The following LRIG1 variants were observed in gnomAD, a reference collection of about 807,000 sequenced individuals.
LRIG1 encodes leucine-rich repeats and immunoglobulin-like domains protein 1.
LRIG1 carries 48 observed loss-of-function variants against 99.2 expected under a neutral mutation model. That is an observed-to-expected ratio of 0.48 (90% CI 0.38 to 0.62). The LOEUF (loss-of-function observed/expected upper bound fraction) is 0.62, where lower values mean the gene tolerates loss of function less well. LRIG1 is among the 20% of genes least tolerant of loss of function. The pLI is 0.00. For missense variants in LRIG1, 1,646 were observed against 1,434.4 expected (o/e 1.15, Z -2.38); for synonymous variants, 772 against 596.1 (o/e 1.29, Z -4.30).
rs780605451 is a variant in LRIG1, at chr3:66,439,001, C to A, written c.365+12558G>T. Among the ~76,000 whole-genome samples the A allele has an allele frequency of 2.0e-5, 3 of 152,246 alleles. No homozygotes were observed. In the East Asian group the frequency reaches 5.8e-4, roughly 29 times the overall value. ...GAATGGGGGAAAGTGAAGACAGGCA[C>A]TGGGCTCTTACTTGGAACCAAATAG... On this transcript the variant is annotated intron_variant, in intron 3 of 18. Transcript: ENST00000273261.
chr3:66,404,363 T>G, intron 9 of LRIG1: 2 of 1,280,372 alleles, frequency 1.6e-6, no homozygotes, highest in Non-Finnish European at 2.0e-6. Flanking sequence ...CCTCTCTGTC[T>G]TGCCCTCCTC....
chr3:66,479,394 A>T (rs1215321931), intron 1 of LRIG1, among the ~76,000 whole-genome samples: 1 of 152,224 alleles, frequency 6.6e-6, no homozygotes, highest in Non-Finnish European at 1.5e-5. Flanking sequence ...CTTTCCTGCC[A>T]CATTTTCTTT....
intron 3 of LRIG1, among the ~76,000 whole-genome samples, chr3:66,436,132 C>T (rs554746237): frequency 6.6e-6 from 1 of 152,370 alleles, no homozygotes; most frequent in East Asian, 1.9e-4. Context: ...AAGCTGAGGA[C>T]AGCTAGCGTG....
chr3:66,462,540 A>G, intron 1 of LRIG1, 31 bp from the exon 2 acceptor site: 12 of 1,481,332 alleles, frequency 8.1e-6, no homozygotes, highest in Non-Finnish European at 1.1e-5. Flanking sequence ...AAAAAACGGA[A>G]TCAACAACCT....
At chr3:66,402,031 A>G (rs1441235337) in intron 9 of LRIG1, among the ~76,000 whole-genome samples, 1 of 152,030 alleles carries the variant, frequency 6.6e-6, no homozygotes, top group East Asian at 1.9e-4. Context: ...CGGCCCCCAC[A>G]TAGGCAGGGA....
At chr3:66,401,082 C>T (rs1046108141) in intron 9 of LRIG1, among the ~76,000 whole-genome samples, 15 of 152,322 alleles carry the variant, frequency 9.8e-5, no homozygotes, top group African/African-American at 3.1e-4. Context: ...TGCCTCCGGA[C>T]GGTGAAGGGG....
Position 66,395,916 on chromosome 3 carries a change from C to G in LRIG1, c.1305-1713G>C, listed in dbSNP as rs958183808. ...CAGGCAGAACAGCCTGGGCACTGTT[C>G]ACGAAAGCCTAGGAGAGAAGGCTGG... On this transcript the variant is annotated intron_variant, in intron 11 of 18. Transcript: ENST00000273261. Among the ~76,000 whole-genome samples the G allele has an allele frequency of 2.6e-5, 4 of 152,254 alleles. 1 individual carries two copies. The highest frequency in any genetic ancestry group is 9.6e-5 in the African/African-American group (4 of 41,468).
chr3:66,387,410 G>GC (rs1291417353), intron 12 of LRIG1: 3 of 152,028 alleles, frequency 2.0e-5, no homozygotes, highest in Admixed American at 2.0e-4. Flanking sequence ...AAACACACAA[G>GC]CCGTCGGTAA....
rs9877201 is a variant in LRIG1, at chr3:66,380,856, C to A, written c.2776G>T (p.Gly926Cys). The change falls in exon 18 of 19, where the codon GGT (glycine) becomes TGT (cysteine). Residue 926 changes from glycine to cysteine, a missense_variant. Coordinates refer to ENST00000273261, the MANE Select transcript of LRIG1 (RefSeq NM_015541.3). ...GTPGPHKMEH[G>C]GRVVCSDCNT... is the part of the protein sequence containing the mutation. ...CAGTCACTGCATACGACCCGGCCAC[C>A]GTGTTCTGAAGGACAGCGCCAAAGA... 2.0e-5 allele frequency: 32 copies of A among 1,613,500 alleles called. No homozygotes were observed. The African/African-American group carries it at 3.6e-4, about 18-fold the overall frequency.
rs1188687155 is a variant in LRIG1, at chr3:66,412,920, T to C, written c.742A>G (p.Ser248Gly). 6.2e-7 allele frequency: 1 copy of C among 1,614,194 alleles called. No individual in the cohort carries two copies. The highest frequency in any genetic ancestry group is 1.1e-5 in the South Asian group (1 of 91,082). The change falls in exon 6 of 19, where the codon AGC (serine) becomes GGC (glycine). Residue 248 changes from serine to glycine, a missense_variant. Physicochemically the swap from Ser to Gly is moderately conservative, Grantham distance 56. Transcript: ENST00000273261. ...EVLKLQRNNI[S>G]KLTDGAFWGL... ...CAGAAGGCCCCATCTGTCAGTTTGC[T>C]GATGTTGTTTCGCTGAAGCTTCAGC... is the stretch of plus-strand genomic sequence containing the variant.
chr3:66,449,098 G>C (rs531165524), intron 3 of LRIG1, among the ~76,000 whole-genome samples: 1 of 152,268 alleles, frequency 6.6e-6, no homozygotes, highest in East Asian at 1.9e-4. Context: ...GGTTCTTTGG[G>C]CTGTAAAATG....
chr3:66,488,622 G>C lies in LRIG1; in HGVS notation c.218+11568C>G, dbSNP rs369412077. Among the ~76,000 whole-genome samples, 3 of 152,294 alleles carry C rather than the reference G, an allele frequency of 2.0e-5. No homozygotes were observed. In the East Asian group the frequency reaches 5.8e-4, roughly 29 times the overall value. ...ACTGCACGCCAACCTGGGCGACAGA[G>C]TGAGACTCTGCCTCAAAAAAGAAAA... On this transcript the variant is annotated intron_variant, in intron 1 of 18. Coordinates refer to ENST00000273261, the MANE Select transcript of LRIG1 (RefSeq NM_015541.3).
intron 1 of LRIG1, among the ~76,000 whole-genome samples, chr3:66,497,747 G>C (rs972449001): frequency 7.1e-6 from 1 of 141,442 alleles, no homozygotes; most frequent in Non-Finnish European, 1.5e-5. Flanking sequence ...AAAGCCACAG[G>C]TCCTCTGCTA....
Position 66,386,128 on chromosome 3 carries a change from C to A in LRIG1, c.1642G>T (p.Val548Phe), listed in dbSNP as rs554245093. 1 of 1,614,132 alleles carries A rather than the reference C, an allele frequency of 6.2e-7. No homozygotes were observed. The highest frequency in any genetic ancestry group is 8.5e-7 in the Non-Finnish European group (1 of 1,180,030). ...ATCACTTCCCCGTCCTGCGCGTGGA[C>A]GTGGACAAAGTTCTCCATGTCTGCA... ...TNADMENFVH[V>F]HAQDGEVMEY... Residue 548 changes from valine to phenylalanine, a missense_variant, in exon 13 of 19, where the codon GTC becomes TTC. Coordinates refer to ENST00000273261, the MANE Select transcript of LRIG1 (RefSeq NM_015541.3).
intron 16 of LRIG1, 145 bp from the exon 17 acceptor site, chr3:66,381,776 C>G (rs994413967): frequency 1.1e-6 from 1 of 872,436 alleles, no homozygotes; most frequent in Admixed American, 2.5e-5. Context: ...TGGCAAGCAG[C>G]GTGTTTTCTG....
chr3:66,477,927 A>G (rs1426730789), intron 1 of LRIG1, among the ~76,000 whole-genome samples: 2 of 152,128 alleles, frequency 1.3e-5, no homozygotes, highest in Admixed American at 6.5e-5. Flanking sequence ...GTTTCGACCA[A>G]AAAAAATTAA....
Position 66,394,041 on chromosome 3 carries a change from G to T in LRIG1, c.1467C>A (p.Cys489Ter), listed in dbSNP as rs35367093. 1 of 1,613,876 alleles carries T rather than the reference G, an allele frequency of 6.2e-7. No homozygotes were observed. The highest frequency in any genetic ancestry group is 8.5e-7 in the Non-Finnish European group (1 of 1,179,920). The change falls in exon 12 of 19, where the codon TGC becomes TGA. Residue 489 changes from cysteine (C) to a stop codon, truncating the protein, a stop_gained and splice_region_variant. Coordinates refer to ENST00000273261, the MANE Select transcript of LRIG1 (RefSeq NM_015541.3). LOFTEE classifies it high-confidence loss of function. ...IFSVPPESFV[C>*]DDFLKPQIIT... ...AAAAAGTTACAAAGACAGTCTTACCGCACACGAAACTCTCTGGTGGCACAG... is the reference window on the plus strand; with the variant it reads ...AAAAAGTTACAAAGACAGTCTTACCTCACACGAAACTCTCTGGTGGCACAG...
At chr3:66,417,077 A>T (rs1440503945) in intron 4 of LRIG1, 52 bp downstream of exon 4, 12 of 1,598,632 alleles carry the variant, frequency 7.5e-6, no homozygotes, top group Non-Finnish European at 4.3e-6. Flanking sequence ...TGAAGCTGTT[A>T]GCTGGCTGGA....
rs1703911682 is a variant in LRIG1, at chr3:66,451,771, T to C, written c.291-138A>G. The C allele has an allele frequency of 4.7e-6, 3 of 643,174 alleles. No homozygotes were observed. In the South Asian group the frequency reaches 6.3e-5, roughly 14 times the overall value. The allele number at this position is 643,174 out of a possible 1,614,324, so 39.8% of individuals were successfully genotyped here. ...CTAATGTTGGAGAAAAGAGAAAGAA[T>C]TTAGCAGTGAGTTTTTAAAGGGAAA... On this transcript the variant is annotated intron_variant, in intron 2 of 18. Transcript: ENST00000273261.
Sources: allele counts gnomAD v4.1 joint callset (sites outside exome capture counted in the v4.1 genomes callset), GRCh38; gene constraint gnomAD v4.1.1; transcripts MANE v1.5; gene names NCBI Gene and HGNC (gene_info 2026-07-23, HGNC 2026-07-21).